GALNT13: variants seen among roughly 807,000 people sequenced by gnomAD.
GALNT13 encodes polypeptide N-acetylgalactosaminyltransferase 13, also known as UDP-GalNAc:polypeptide N-acetylgalactosaminyltransferase 13.
GALNT13 carries 28 observed loss-of-function variants against 64.2 expected under a neutral mutation model. The observed-to-expected ratio is 0.44, with a 90% CI of 0.32 to 0.60. The LOEUF (loss-of-function observed/expected upper bound fraction) is 0.60. Ranked by LOEUF, GALNT13 falls within the 20% of genes least tolerant of loss-of-function variation. The pLI, the probability that GALNT13 is intolerant of heterozygous loss-of-function variation, is 0.05. For missense variants in GALNT13, 577 were observed against 669.8 expected (o/e 0.86, Z 1.53); for synonymous variants, 214 against 224.6 (o/e 0.95, Z 0.42).
At chr2:153,758,041 C>T in the GALNT13 span, among the ~76,000 whole-genome samples, 12 of 152,044 alleles carry the variant, frequency 7.9e-5, no homozygotes, top group African/African-American at 4.8e-5. Flanking sequence ...CATGGTCAAA[C>T]GTAAAACATT....
intron 8 of GALNT13, chr2:154,287,374 C>T (rs958211306): frequency 1.7e-5 from 9 of 523,750 alleles, no homozygotes; most frequent in Middle Eastern, 6.7e-4. Flanking sequence ...ACTCTGGGAA[C>T]GTCACCTACC....
At chr2:153,229,159 T>A in the GALNT13 span, among the ~76,000 whole-genome samples, 1 of 152,202 alleles carries the variant, frequency 6.6e-6, no homozygotes, top group South Asian at 2.1e-4. Flanking sequence ...TCCTGCTTCA[T>A]CTCACTGTGT....
At chr2:154,193,316 T>A (rs1478082415) in intron 4 of GALNT13, among the ~76,000 whole-genome samples, 1 of 152,228 alleles carries the variant, frequency 6.6e-6, no homozygotes, top group Non-Finnish European at 1.5e-5. Context: ...AGCTGCTTAG[T>A]TTTTTATTCT....
chr2:153,120,397 T>C, the GALNT13 span, among the ~76,000 whole-genome samples: 1 of 152,176 alleles, frequency 6.6e-6, no homozygotes, highest in Non-Finnish European at 1.5e-5. Flanking sequence ...AAAAAATTAT[T>C]TGGATCTTTT....
chr2:153,435,227 G>C, the GALNT13 span, among the ~76,000 whole-genome samples: 1 of 152,186 alleles, frequency 6.6e-6, no homozygotes, highest in African/African-American at 2.4e-5. Flanking sequence ...TTTGGTTACT[G>C]TAGCCTTGTA....
chr2:154,197,582 TAATATATTTAGGAG>T (rs1179147176), intron 4 of GALNT13, among the ~76,000 whole-genome samples: 2 of 151,998 alleles, frequency 1.3e-5, no homozygotes, highest in Admixed American at 1.3e-4. Flanking sequence ...AAATTATTAT[TAATATATTTAGGAG>T]AATGTTTTAT....
chr2:154,325,142 A>C (rs1374585547), intron 9 of GALNT13, among the ~76,000 whole-genome samples: 1 of 151,968 alleles, frequency 6.6e-6, no homozygotes, highest in Non-Finnish European at 1.5e-5. Flanking sequence ...AGAAAGTAAA[A>C]AAAAAAAATG....
chr2:154,191,960 G>C (rs1010789285), intron 4 of GALNT13, among the ~76,000 whole-genome samples: 3 of 152,162 alleles, frequency 2.0e-5, no homozygotes, highest in Non-Finnish European at 4.4e-5. Context: ...AGAAGAATCG[G>C]ATCACATGTG....
At chr2:153,988,103 T>C (rs1211235806) in intron 3 of GALNT13, among the ~76,000 whole-genome samples, 5 of 149,700 alleles carry the variant, frequency 3.3e-5, no homozygotes, top group African/African-American at 7.3e-5. Context: ...CACACACATA[T>C]ACAATTTAGA....
chr2:154,281,203 C>A (rs1020814297), intron 8 of GALNT13, among the ~76,000 whole-genome samples: 2 of 152,010 alleles, frequency 1.3e-5, no homozygotes, highest in African/African-American at 2.4e-5. Context: ...ATGTGAAAAC[C>A]TAACCATTAA....
chr2:154,339,836 T>C (rs986311614), intron 9 of GALNT13, among the ~76,000 whole-genome samples: 2 of 152,242 alleles, frequency 1.3e-5, no homozygotes, highest in African/African-American at 4.8e-5. Flanking sequence ...TTTCTCAAAT[T>C]GATGGCTTAT....
chr2:154,312,994 CA>C (rs1694129617), intron 9 of GALNT13, among the ~76,000 whole-genome samples: 1 of 151,822 alleles, frequency 6.6e-6, no homozygotes, highest in African/African-American at 2.4e-5. Flanking sequence ...AACTAATAAG[CA>C]GACGGTATAA....
At chr2:153,198,837 A>G in the GALNT13 span, among the ~76,000 whole-genome samples, 2 of 152,066 alleles carry the variant, frequency 1.3e-5, no homozygotes, top group Non-Finnish European at 2.9e-5. Flanking sequence ...TATTTGTTTC[A>G]CCTTTGAGCA....
At chr2:153,589,638 C>T in the GALNT13 span, among the ~76,000 whole-genome samples, 3 of 152,130 alleles carry the variant, frequency 2.0e-5, no homozygotes, top group African/African-American at 7.2e-5. Flanking sequence ...TGAGAGACGC[C>T]TCACAATCAT....
chr2:153,645,561 A>G, the GALNT13 span, among the ~76,000 whole-genome samples: 196 of 152,150 alleles, frequency 1.3e-3, no homozygotes, highest in Non-Finnish European at 2.4e-3. Flanking sequence ...CGTTAAGTCT[A>G]TCATTACATG....
chr2:153,552,512 T>G, the GALNT13 span, among the ~76,000 whole-genome samples: 2 of 151,018 alleles, frequency 1.3e-5, no homozygotes, highest in African/African-American at 2.4e-5. Context: ...CAAACATAGA[T>G]GCAGGTAGGT....
the GALNT13 span, among the ~76,000 whole-genome samples, chr2:153,082,904 C>A: frequency 6.6e-6 from 1 of 151,482 alleles, no homozygotes; most frequent in East Asian, 2.0e-4. Context: ...TCTCGGCTCA[C>A]TGCAACCTCC....
the GALNT13 span, chr2:153,421,302 A>G: frequency 1.0e-5 from 2 of 199,582 alleles, no homozygotes; most frequent in East Asian, 2.5e-4. Flanking sequence ...AATCTGGCTA[A>G]GAAAGCAGTT....
the GALNT13 span, among the ~76,000 whole-genome samples, chr2:153,655,124 A>G: frequency 5.3e-5 from 8 of 152,226 alleles, no homozygotes; most frequent in South Asian, 1.7e-3. Flanking sequence ...TTCACACCAA[A>G]TTCTCTGAAT....
Sources: allele counts gnomAD v4.1 joint callset (sites outside exome capture counted in the v4.1 genomes callset), GRCh38; gene constraint gnomAD v4.1.1; transcripts MANE v1.5; gene names NCBI Gene and HGNC (gene_info 2026-07-23, HGNC 2026-07-21).